Variants in PPP1R37 observed in about 807,000 individuals in gnomAD.
The protein encoded by PPP1R37 is leucine rich repeat containing 68.
A neutral mutation model predicts 61.0 loss-of-function variants in PPP1R37; 21 were observed. The ratio of observed to expected loss-of-function variants is 0.34; its 90% CI spans 0.24 to 0.50. The LOEUF is 0.50. PPP1R37 is among the 20% of genes least tolerant of loss of function. PPP1R37 has a pLI of 0.98. For synonymous variants in PPP1R37, 443 were observed against 433.5 expected, an observed-to-expected ratio of 1.02 and a Z score of -0.27; for missense variants, 910 against 952.7, an observed-to-expected ratio of 0.96 and a Z score of 0.59.
chr19:45,119,576 TC>T (rs1223879766), intron 1 of PPP1R37, among the ~76,000 whole-genome samples: 1 of 152,226 alleles, frequency 6.6e-6, no homozygotes, highest in Non-Finnish European at 1.5e-5. Flanking sequence ...TTCCTGCCTA[TC>T]TCCATGCCAC....
At chr19:45,107,191 G>T (rs910157008) in intron 1 of PPP1R37, among the ~76,000 whole-genome samples, 2 of 151,544 alleles carry the variant, frequency 1.3e-5, no homozygotes, top group African/African-American at 2.4e-5. Context: ...TAGTTCTTTT[G>T]CCCATTTTTA....
intron 1 of PPP1R37, among the ~76,000 whole-genome samples, chr19:45,118,919 T>C (rs530346787): frequency 6.6e-6 from 1 of 151,674 alleles, no homozygotes; most frequent in African/African-American, 2.4e-5. Flanking sequence ...ACCTGCCGCC[T>C]CTGGGTTCCT....
At position 45,121,099 on chromosome 19, in the gene PPP1R37, C is replaced by T. The variant is rs933828232; in HGVS notation, c.203-17415C>T. ...TCAATCGCTTAGTTTTGGGAGTGGG[C>T]GCAAAGTTACGGCTCCACCGGTAAA... On this transcript the variant is annotated intron_variant, in intron 1 of 12. Coordinates refer to ENST00000221462, the MANE Select transcript of PPP1R37 (RefSeq NM_019121.2). This position sits in a 1 kb window ranked among gnomAD's most constrained non-coding sequence, Gnocchi z 4.2. Among the ~76,000 whole-genome samples, 5 of 151,968 alleles carry T rather than the reference C, an allele frequency of 3.3e-5. No individual in the cohort carries two copies. Among genetic ancestry groups the T allele is most frequent in the Admixed American group, 6.6e-5 (1 of 15,256 alleles).
At chr19:45,112,566 G>A (rs184067594) in intron 1 of PPP1R37, among the ~76,000 whole-genome samples, 112 of 152,300 alleles carry the variant, frequency 7.4e-4, no homozygotes, top group African/African-American at 2.5e-3. Context: ...GTTCTGGGGG[G>A]CAATGCGAAC....
At chr19:45,094,039 C>T (rs1042121707) in intron 1 of PPP1R37, among the ~76,000 whole-genome samples, 2 of 152,192 alleles carry the variant, frequency 1.3e-5, no homozygotes, top group Non-Finnish European at 2.9e-5. Flanking sequence ...TAAACTTGGA[C>T]TGTGGCTATA....
rs979221764 is a variant in PPP1R37, at chr19:45,121,677, G to C, written c.203-16837G>C. The stretch of plus-strand genomic sequence containing the variant: ...GAGTCCAGGGGCTGGTGTGAGCCCT[G>C]CTCTTGAGGGGCCTCTGGATGCCCG... On this transcript the variant is annotated intron_variant, in intron 1 of 12. Coordinates refer to ENST00000221462, the MANE Select transcript of PPP1R37 (RefSeq NM_019121.2). This position sits in a 1 kb window ranked among gnomAD's most constrained non-coding sequence, Gnocchi z 4.2. Among the ~76,000 whole-genome samples, 4 of 152,234 alleles carry C rather than the reference G, an allele frequency of 2.6e-5. No homozygotes were observed. The highest frequency in any genetic ancestry group is 7.2e-5 in the African/African-American group (3 of 41,462).
intron 1 of PPP1R37, among the ~76,000 whole-genome samples, chr19:45,131,136 C>T (rs1451444725): frequency 6.6e-6 from 1 of 152,194 alleles, no homozygotes; most frequent in Non-Finnish European, 1.5e-5. Context: ...TGATGCCCGG[C>T]GTCAGGTTTC....
intron 1 of PPP1R37, among the ~76,000 whole-genome samples, chr19:45,112,998 A>C (rs1968220958): frequency 1.3e-5 from 2 of 152,090 alleles, no homozygotes; most frequent in South Asian, 4.1e-4. Flanking sequence ...AGATTCCTTT[A>C]CCTGTGCTGG....
In PPP1R37 at chr19:45,143,772, A is replaced by ACCT. The variant is rs1174837090; in HGVS notation, c.987+140_987+142dup. ...TTCAAGACGATTTAAACTCAGCCCCACCTGCTTCCTCATTCAGCTTCTGTG... is the reference window on the plus strand; with the variant it reads ...TTCAAGACGATTTAAACTCAGCCCCACCTCCTGCTTCCTCATTCAGCTTCTGTG... On this transcript the variant is annotated intron_variant, in intron 8 of 12. Coordinates refer to ENST00000221462, the MANE Select transcript of PPP1R37 (RefSeq NM_019121.2). The ACCT allele has an allele frequency of 1.5e-5, 8 of 536,840 alleles. No individual in the cohort carries two copies. In the African/African-American group the frequency reaches 1.6e-4, roughly 11 times the overall value. The allele number at this position is 536,840 out of a possible 1,614,324, so 33.3% of individuals were successfully genotyped here.
chr19:45,142,020 G>T, intron 5 of PPP1R37, 41 bp from the exon 6 acceptor site: 9 of 1,466,764 alleles, frequency 6.1e-6, no homozygotes, highest in Non-Finnish European at 8.1e-6. Context: ...GCTGGGGCAG[G>T]CCTGAGCCAG....
chr19:45,122,567 G>A (rs1232881800), intron 1 of PPP1R37, among the ~76,000 whole-genome samples: 5 of 152,192 alleles, frequency 3.3e-5, no homozygotes, highest in Admixed American at 2.6e-4. Context: ...AAGGAAGCAG[G>A]GATTCATAGT....
rs567493291 is a variant in PPP1R37, at chr19:45,129,288, G to A, written c.203-9226G>A. Among the ~76,000 whole-genome samples, 144 of 152,168 alleles carry A rather than the reference G, an allele frequency of 9.5e-4. 1 individual carries two copies. The Middle Eastern group carries it at 0.024, about 25-fold the overall frequency. Reference sequence around the variant, plus strand: ...ACTACAGCCCTGGTTGGGGGGAGACGGTGGGCGATGCTTGTGGTTTATTTA... The same window carrying A: ...ACTACAGCCCTGGTTGGGGGGAGACAGTGGGCGATGCTTGTGGTTTATTTA... On this transcript the variant is annotated intron_variant, in intron 1 of 12. Transcript: ENST00000221462.
chr19:45,145,468 C>T lies in PPP1R37; in HGVS notation c.1412C>T (p.Ser471Leu), dbSNP rs935211194. The change falls in exon 11 of 13, where the codon TCG becomes TTG. Residue 471 changes from serine to leucine, a missense_variant. This residue lies in a region of PPP1R37 where 549 missense variants were observed against 505.1 expected (regional missense o/e 1.09). Transcript: ENST00000221462. Reference protein sequence around the residue: ...REEKEQPPQLSASMPETTATE... With the variant: ...REEKEQPPQLLASMPETTATE... ...GAGAAGGAGCAGCCGCCACAGCTGT[C>T]GGCCTCCATGCCTGAGACCACCGCC... The T allele has an allele frequency of 8.5e-6, 13 of 1,535,042 alleles. No homozygotes were observed. Among genetic ancestry groups the T allele is most frequent in the Non-Finnish European group, 7.8e-6 (9 of 1,146,572 alleles).
intron 2 of PPP1R37, among the ~76,000 whole-genome samples, chr19:45,139,782 CG>C (rs1278864430): frequency 6.6e-6 from 1 of 152,232 alleles, no homozygotes; most frequent in Non-Finnish European, 1.5e-5. Context: ...GCTCAGAGCG[CG>C]GGTGCTGGCA....
Position 45,095,110 on chromosome 19 carries a change from G to A in PPP1R37, c.202+1583G>A, listed in dbSNP as rs565586773. On this transcript the variant is annotated intron_variant, in intron 1 of 12. Transcript: ENST00000221462. ...CAGTCTGTGGACAATGGAGGAATTG[G>A]TGGCTTTGATGTGAGGGTGGGAAAC... Among the ~76,000 whole-genome samples, 38 of 152,328 alleles carry A rather than the reference G, an allele frequency of 2.5e-4. No individual in the cohort carries two copies. The Middle Eastern group carries it at 0.01, about 41-fold the overall frequency.
intron 1 of PPP1R37, among the ~76,000 whole-genome samples, chr19:45,097,772 G>C (rs571495037): frequency 1.3e-5 from 2 of 152,132 alleles, no homozygotes; most frequent in East Asian, 3.9e-4. Context: ...TCCCGCGCTG[G>C]AATGGGAGAG....
chr19:45,118,124 C>T (rs1968293999), intron 1 of PPP1R37, among the ~76,000 whole-genome samples: 1 of 152,236 alleles, frequency 6.6e-6, no homozygotes, highest in South Asian at 2.1e-4. Flanking sequence ...CTTCCAACTG[C>T]CTACAGAGGT....
intron 1 of PPP1R37, among the ~76,000 whole-genome samples, chr19:45,107,934 G>A (rs147526315): frequency 2.6e-5 from 4 of 152,304 alleles, no homozygotes; most frequent in South Asian, 2.1e-4. Context: ...ATTGCTGAGC[G>A]TTTAGGTCCT....
At chr19:45,125,365 A>T (rs1328324387) in intron 1 of PPP1R37, among the ~76,000 whole-genome samples, 1 of 152,184 alleles carries the variant, frequency 6.6e-6, no homozygotes. Flanking sequence ...CAGGAGGCTG[A>T]GGCAGGAGAA....
Sources: allele counts gnomAD v4.1 joint callset (sites outside exome capture counted in the v4.1 genomes callset), GRCh38; gene constraint gnomAD v4.1.1; regional missense constraint gnomAD v4.1.1; non-coding constraint Gnocchi (gnomAD v3.1); transcripts MANE v1.5; gene names NCBI Gene and HGNC (gene_info 2026-07-23, HGNC 2026-07-21).